The following PARD3B variants were observed in gnomAD, a reference collection of about 807,000 sequenced individuals.
PARD3B encodes par-3 family cell polarity regulator beta.
Under a neutral mutation model 130.2 loss-of-function variants are expected in PARD3B, and 103 were observed. The ratio of observed to expected loss-of-function variants is 0.79; its 90% CI spans 0.67 to 0.93. The LOEUF (loss-of-function observed/expected upper bound fraction) is 0.93. PARD3B is among the 40% of genes least tolerant of loss of function. The pLI, the probability that PARD3B is intolerant of heterozygous loss-of-function variation, is 0.00. For synonymous variants in PARD3B, 583 were observed against 553.2 expected (o/e 1.05, Z -0.76); for missense variants, 1,609 against 1,499.2 (o/e 1.07, Z -1.21).
intron 22 of PARD3B, among the ~76,000 whole-genome samples, chr2:205,555,261 C>T (rs1010321163): frequency 6.6e-6 from 1 of 152,106 alleles, no homozygotes; most frequent in Admixed American, 6.5e-5. Context: ...AAATTTCACT[C>T]ATTCATTCAT....
intron 2 of PARD3B, among the ~76,000 whole-genome samples, chr2:204,875,901 T>C (rs1296293046): frequency 3.3e-5 from 5 of 152,172 alleles, no homozygotes; most frequent in African/African-American, 1.2e-4. Flanking sequence ...GGTGAATCTT[T>C]CGGGTTCTCA....
intron 2 of PARD3B, among the ~76,000 whole-genome samples, chr2:204,723,109 A>G (rs2039069672): frequency 6.6e-6 from 1 of 152,184 alleles, no homozygotes; most frequent in Non-Finnish European, 1.5e-5. Context: ...TAATTTTCTC[A>G]AAATAATTAC....
At chr2:205,114,236 A>G (rs1342121354) in intron 6 of PARD3B, among the ~76,000 whole-genome samples, 4 of 152,122 alleles carry the variant, frequency 2.6e-5, no homozygotes, top group African/African-American at 9.7e-5. Flanking sequence ...ACTGGATTTA[A>G]AACTTGTTCT....
At chr2:204,969,631 G>C (rs749309287) in intron 3 of PARD3B, among the ~76,000 whole-genome samples, 2 of 152,166 alleles carry the variant, frequency 1.3e-5, no homozygotes, top group East Asian at 3.9e-4. Flanking sequence ...ACTAGAACTG[G>C]AACCCACATT....
intron 15 of PARD3B, among the ~76,000 whole-genome samples, chr2:205,242,178 A>G (rs971475731): frequency 6.6e-6 from 1 of 152,212 alleles, no homozygotes; most frequent in Non-Finnish European, 1.5e-5. Context: ...TGAATATTTC[A>G]GAGAAAGGCC....
intron 15 of PARD3B, among the ~76,000 whole-genome samples, chr2:205,225,456 A>AT (rs1435817637): frequency 6.6e-6 from 1 of 151,918 alleles, no homozygotes; most frequent in Non-Finnish European, 1.5e-5. Context: ...AGATTTTTAG[A>AT]TTTTTTTCCT....
chr2:204,736,293 A>G (rs981778327), intron 2 of PARD3B, among the ~76,000 whole-genome samples: 3 of 152,176 alleles, frequency 2.0e-5, no homozygotes, highest in Non-Finnish European at 4.4e-5. Flanking sequence ...TTTCATTTCC[A>G]TAGCATTTGG....
intron 21 of PARD3B, among the ~76,000 whole-genome samples, chr2:205,537,014 G>T (rs1240136523): frequency 6.6e-6 from 1 of 152,062 alleles, no homozygotes; most frequent in Non-Finnish European, 1.5e-5. Context: ...GAAGTTCTTT[G>T]CAATATTCAT....
chr2:204,978,782 C>G (rs942229481), intron 3 of PARD3B, among the ~76,000 whole-genome samples: 7 of 151,734 alleles, frequency 4.6e-5, no homozygotes, highest in Non-Finnish European at 8.8e-5. Context: ...GCCAACATGG[C>G]AAAACTCTGT....
Position 205,124,350 on chromosome 2 carries a change from G to C in PARD3B, c.1189G>C (p.Val397Leu), listed in dbSNP as rs762366848. The C allele has an allele frequency of 1.3e-6, 2 of 1,584,820 alleles. No individual in the cohort carries two copies. Among genetic ancestry groups the C allele is most frequent in the South Asian group, 2.3e-5 (2 of 85,140 alleles). Residue 397 changes from valine to leucine, a missense_variant, in exon 9 of 23, where the codon GTG (valine) becomes CTG (leucine). Val to Leu is a conservative substitution (Grantham distance 32, BLOSUM62 1). Coordinates refer to ENST00000406610, the MANE Select transcript of PARD3B (RefSeq NM_001302769.2). ...KKGPEGLGFTVVTRDSSIHGP... is the reference protein window; with the variant it reads ...KKGPEGLGFTLVTRDSSIHGP... The stretch of plus-strand genomic sequence containing the variant: ...AGGCCCTGAAGGACTTGGTTTCACT[G>C]TGGTTACCAGAGACTCTTCCATACA...
chr2:204,550,555 G>T (rs1200023915), intron 1 of PARD3B, among the ~76,000 whole-genome samples: 3 of 152,108 alleles, frequency 2.0e-5, no homozygotes, highest in African/African-American at 7.2e-5. Flanking sequence ...TGAATTCGTG[G>T]AATAGCAGGC....
intron 20 of PARD3B, among the ~76,000 whole-genome samples, chr2:205,479,838 G>T (rs2049159662): frequency 6.6e-6 from 1 of 150,818 alleles, no homozygotes; most frequent in Admixed American, 6.6e-5. Context: ...TTGCCTGTCT[G>T]TTCAACCTCA....
Position 205,158,682 on chromosome 2 carries a change from T to C in PARD3B, c.1435-40T>C, listed in dbSNP as rs760138146. On this transcript the variant is annotated intron_variant, in intron 10 of 22. Coordinates refer to ENST00000406610, the MANE Select transcript of PARD3B (RefSeq NM_001302769.2). This position sits in a 1 kb window ranked among gnomAD's most constrained non-coding sequence, Gnocchi z 5.4. The stretch of plus-strand genomic sequence containing the variant: ...CTGAGAGAGTGAAATATTAATCTGC[T>C]TTCTTCTCTTCACTCTTTTCATGTG... The C allele has an allele frequency of 6.5e-7, 1 of 1,545,408 alleles. No homozygotes were observed. Among genetic ancestry groups the C allele is most frequent in the South Asian group, 1.1e-5 (1 of 87,422 alleles).
At chr2:204,577,748 TG>T (rs2032342897) in intron 1 of PARD3B, among the ~76,000 whole-genome samples, 2 of 150,304 alleles carry the variant, frequency 1.3e-5, no homozygotes, top group Non-Finnish European at 2.9e-5. Flanking sequence ...TTTTAAAAAT[TG>T]TTTTTTTTTC....
At chr2:205,393,994 G>T (rs1040879155) in intron 18 of PARD3B, among the ~76,000 whole-genome samples, 12 of 151,966 alleles carry the variant, frequency 7.9e-5, no homozygotes, top group Non-Finnish European at 2.9e-5. Context: ...TTATTATATA[G>T]AAAAAATAGG....
At chr2:204,891,486 A>T (rs1341744254) in intron 2 of PARD3B, among the ~76,000 whole-genome samples, 1 of 152,204 alleles carries the variant, frequency 6.6e-6, no homozygotes, top group African/African-American at 2.4e-5. Context: ...CAAGTGCCAC[A>T]GTGGGTCTTG....
At chr2:205,100,745 AC>A (rs1355288183) in intron 4 of PARD3B, among the ~76,000 whole-genome samples, 2 of 152,160 alleles carry the variant, frequency 1.3e-5, no homozygotes, top group African/African-American at 2.4e-5. Context: ...GAATAAAAAA[AC>A]AATCTTTTCA....
intron 19 of PARD3B, among the ~76,000 whole-genome samples, chr2:205,426,582 C>G (rs1158835609): frequency 1.3e-5 from 2 of 152,156 alleles, no homozygotes; most frequent in Non-Finnish European, 2.9e-5. Flanking sequence ...AGGGAGCAAA[C>G]CTCCTCTTTA....
chr2:204,738,182 A>G lies in PARD3B; in HGVS notation c.222+51900A>G, dbSNP rs181792367. On this transcript the variant is annotated intron_variant, in intron 2 of 22. Transcript: ENST00000406610. ...TTTAGGCAGTATGGTCATTTTCACA[A>G]TATTGATCCTTCTAATCCATGAGCA... 1.6e-4 allele frequency among the ~76,000 whole-genome samples: 25 copies of G among 152,282 alleles called. No individual in the cohort carries two copies. The East Asian group carries it at 3.9e-3, about 24-fold the overall frequency.
Sources: gnomAD v4.1 joint callset for allele counts (sites outside exome capture counted in the v4.1 genomes callset) on GRCh38, gnomAD v4.1.1 for gene constraint, Gnocchi (gnomAD v3.1) non-coding constraint, MANE v1.5 for transcripts, NCBI Gene and HGNC (gene_info 2026-07-23, HGNC 2026-07-21) for gene names.